Variants in C1orf210 observed in about 807,000 individuals in gnomAD.
C1orf210 encodes type III endosome membrane protein TEMP.
In C1orf210, 3 loss-of-function variants were observed where a neutral mutation model predicts 3.7. The observed-to-expected ratio is 0.81, with a 90% CI of 0.37 to 2.08. The LOEUF (loss-of-function observed/expected upper bound fraction) is 2.08, where lower values mean the gene tolerates loss of function less well. Among genes scored for constraint, C1orf210 ranks in the 30% most tolerant of loss-of-function variants. The pLI is 0.06. For synonymous variants in C1orf210, 62 were observed against 61.7 expected (o/e 1.00, Z -0.02); for missense variants, 143 against 147.7 (o/e 0.97, Z 0.17).
rs772352223 is a variant in C1orf210, at chr1:43,282,933, C to A, written c.194G>T (p.Arg65Leu). 1 of 1,614,162 alleles carries A rather than the reference C, an allele frequency of 6.2e-7. No individual in the cohort carries two copies. The highest frequency in any genetic ancestry group is 1.7e-5 in the Admixed American group (1 of 60,028). ...TCCTGTCTCAGGCAGTGGGCGGTGC[C>A]GGTAGCTGGCATGGTATCGGCGGCA... ...HLCRRYHASY[R>L]HRPLPETGRG... Residue 65 changes from arginine (R) to leucine (L), a missense_variant, in exon 3 of 3, where the codon CGG becomes CTG. Transcript: ENST00000523677.
chr1:43,283,028 C>T lies in C1orf210; in HGVS notation c.99G>A (p.Val33=), dbSNP rs761773667. 3 of 1,614,120 alleles carry T rather than the reference C, an allele frequency of 1.9e-6. No individual in the cohort carries two copies. The South Asian group carries it at 3.3e-5, about 18-fold the overall frequency. Residue 33 remains valine (V), a synonymous_variant, in exon 3 of 3, where the codon GTG becomes GTA. Coordinates refer to ENST00000523677, the MANE Select transcript of C1orf210 (RefSeq NM_182517.3). The part of the protein sequence containing the change: ...GPGTGARAWP[V]LVGFVLGAVV... Reference sequence around the variant, plus strand: ...CAGCCCCCAGCACAAATCCTACCAGCACAGGCCATGCCCGAGCCCCAGTGC... The same window carrying T: ...CAGCCCCCAGCACAAATCCTACCAGTACAGGCCATGCCCGAGCCCCAGTGC...
rs966673592 is a variant in C1orf210 at position 43,283,125 on chromosome 1, G to A, written c.20-18C>T. The A allele has an allele frequency of 3.1e-6, 5 of 1,607,072 alleles. No homozygotes were observed. The African/African-American group carries it at 6.7e-5, about 22-fold the overall frequency. ...AACAAGTGCTGCAGAGAAAGGGACA[G>A]CATTATAGGTGGGCCCCAGAGGGGG... On this transcript the variant is annotated intron_variant, in intron 2 of 2. Transcript: ENST00000523677.
At chr1:43,283,471 C>T in intron 1 of C1orf210, 103 bp from the exon 2 acceptor site, 1 of 592,804 alleles carries the variant, frequency 1.7e-6, no homozygotes, top group Admixed American at 3.2e-5. Context: ...GGGGACTGGA[C>T]AACTGACCAC....
At chr1:43,283,953 C>T (rs942357512) in intron 1 of C1orf210, among the ~76,000 whole-genome samples, 4 of 152,168 alleles carry the variant, frequency 2.6e-5, no homozygotes, top group East Asian at 1.9e-4. Flanking sequence ...AGTTGAAAGC[C>T]GCTGCTGCCC....
intron 1 of C1orf210, among the ~76,000 whole-genome samples, 163 bp downstream of exon 1, chr1:43,285,281 G>C (rs965961139): frequency 3.3e-5 from 5 of 152,024 alleles, no homozygotes; most frequent in African/African-American, 1.2e-4. Context: ...TTCCCAAGAA[G>C]ACACACACAC....
chr1:43,283,692 CT>C (rs1646561342), intron 1 of C1orf210, among the ~76,000 whole-genome samples: 1 of 152,212 alleles, frequency 6.6e-6, no homozygotes, highest in Admixed American at 6.5e-5. Context: ...GATGAGGGCT[CT>C]GAGGCTGAAA....
At chr1:43,283,464 G>T (rs1051746525) in intron 1 of C1orf210, 96 bp from the exon 2 acceptor site, 1 of 656,346 alleles carries the variant, frequency 1.5e-6, no homozygotes, top group Non-Finnish European at 2.5e-6. Flanking sequence ...AAACTCTGGG[G>T]ACTGGACAAC....
chr1:43,284,291 G>A (rs924148144), intron 1 of C1orf210, among the ~76,000 whole-genome samples: 2 of 152,106 alleles, frequency 1.3e-5, no homozygotes, highest in African/African-American at 4.8e-5. Flanking sequence ...GAACAGCTAG[G>A]GCAGGAGCAT....
In C1orf210 at chr1:43,282,380, A is replaced by T; in HGVS notation, c.*405T>A. The T allele has an allele frequency of 5.9e-6, 1 of 169,184 alleles. No individual in the cohort carries two copies. The highest frequency in any genetic ancestry group is 1.3e-5 in the Non-Finnish European group (1 of 79,658). The allele number at this position is 169,184 out of a possible 1,614,324, so 10.5% of individuals were successfully genotyped here. A position where few individuals can be genotyped will look rare whatever the true frequency, so the allele number is the denominator to read the frequency against. ...CCATCACAGTCATAGAGGATTTAGG[A>T]GAAGAGTAGCGTAGGCAGGGGGACC... On this transcript the variant is annotated 3_prime_UTR_variant, in exon 3 of 3. Coordinates refer to ENST00000523677, the MANE Select transcript of C1orf210 (RefSeq NM_182517.3).
rs568177967 is a variant in C1orf210, at chr1:43,282,898, G to A, written c.229C>T (p.Arg77Cys). The change falls in exon 3 of 3, where the codon CGC becomes TGC. Residue 77 changes from arginine to cysteine, a missense_variant. By Grantham distance (180) the Arg-to-Cys change is radical. Transcript: ENST00000523677. Reference protein sequence around the residue: ...RPLPETGRGGRPQVAEDEDDD... With the variant: ...RPLPETGRGGCPQVAEDEDDD... ...TCCTCATCTTCAGCCACCTGTGGGC[G>A]GCCTCCCCTTCCTGTCTCAGGCAGT... 3.6e-5 allele frequency: 58 copies of A among 1,614,046 alleles called. No individual in the cohort carries two copies. The highest frequency in any genetic ancestry group is 3.0e-4 in the South Asian group (27 of 91,084).
At chr1:43,283,884 G>A (rs1351912834) in intron 1 of C1orf210, among the ~76,000 whole-genome samples, 1 of 152,158 alleles carries the variant, frequency 6.6e-6, no homozygotes, top group African/African-American at 2.4e-5. Context: ...GGAGGGTGAT[G>A]CAAGTTGCTA....
intron 2 of C1orf210, 28 bp downstream of exon 2, chr1:43,283,223 AC>A: frequency 6.3e-7 from 1 of 1,593,760 alleles, no homozygotes; most frequent in Non-Finnish European, 8.6e-7. Flanking sequence ...GAAGCCCCCC[AC>A]CCCCATCATC....
rs888149379 is a variant in C1orf210, at chr1:43,282,743, T to C, written c.*42A>G. On this transcript the variant is annotated 3_prime_UTR_variant, in exon 3 of 3. Coordinates refer to ENST00000523677, the MANE Select transcript of C1orf210 (RefSeq NM_182517.3). ...CATGTCATAACCACTGTCCTTAAGC[T>C]GTCAGGCATGGAGGGAGTGGGGAGG... 4.6e-6 allele frequency: 7 copies of C among 1,510,450 alleles called. No individual in the cohort carries two copies. Among genetic ancestry groups the C allele is most frequent in the Non-Finnish European group, 6.3e-6 (7 of 1,108,640 alleles). 93.6% of individuals were successfully genotyped at this position (1,510,450 alleles called of 1,614,324 possible).
At position 43,282,717 on chromosome 1, in the gene C1orf210, C is replaced by A. The variant is rs1272391851; in HGVS notation, c.*68G>T. 6.2e-6 allele frequency: 9 copies of A among 1,447,962 alleles called. No individual in the cohort carries two copies. In the South Asian group the frequency reaches 8.0e-5, roughly 13 times the overall value. The allele number at this position is 1,447,962 out of a possible 1,614,324, so 89.7% of individuals were successfully genotyped here. ...CCTCTGTCCCTGAGGTTCAAGGCCCCCATGTCATAACCACTGTCCTTAAGC... is the reference window on the plus strand; with the variant it reads ...CCTCTGTCCCTGAGGTTCAAGGCCCACATGTCATAACCACTGTCCTTAAGC... On this transcript the variant is annotated 3_prime_UTR_variant, in exon 3 of 3. Transcript: ENST00000523677.
At position 43,282,685 on chromosome 1, in the gene C1orf210, C is replaced by T. The variant is rs574085932; in HGVS notation, c.*100G>A. The T allele has an allele frequency of 2.0e-5, 25 of 1,272,236 alleles. No individual in the cohort carries two copies. In the South Asian group the frequency reaches 3.1e-4, roughly 16 times the overall value. 78.8% of individuals were successfully genotyped at this position (1,272,236 alleles called of 1,614,324 possible). ...TCCATCCCTGGCCAACCTTTAAGCC[C>T]CAGCCACCTCTGTCCCTGAGGTTCA... On this transcript the variant is annotated 3_prime_UTR_variant, in exon 3 of 3. Coordinates refer to ENST00000523677, the MANE Select transcript of C1orf210 (RefSeq NM_182517.3).
Position 43,282,717 on chromosome 1 carries a change from C to CCATGT in C1orf210, c.*63_*67dup, listed in dbSNP as rs1646554005. On this transcript the variant is annotated 3_prime_UTR_variant, in exon 3 of 3. Coordinates refer to ENST00000523677, the MANE Select transcript of C1orf210 (RefSeq NM_182517.3). Reference sequence around the variant, plus strand: ...CCTCTGTCCCTGAGGTTCAAGGCCCCCATGTCATAACCACTGTCCTTAAGC... The same window carrying CCATGT: ...CCTCTGTCCCTGAGGTTCAAGGCCCCCATGTCATGTCATAACCACTGTCCTTAAGC... 6.9e-7 allele frequency: 1 copy of CCATGT among 1,447,962 alleles called. No individual in the cohort carries two copies. The highest frequency in any genetic ancestry group is 2.1e-5 in the Admixed American group (1 of 48,222). 89.7% of individuals were successfully genotyped at this position (1,447,962 alleles called of 1,614,324 possible).
Position 43,281,877 on chromosome 1 carries a change from T to C in C1orf210, c.*908A>G, listed in dbSNP as rs1275910549. Reference sequence around the variant, plus strand: ...AAGAAAAATAAAAATGAGTGACAGCTTTTTATTTTTATTCAAAATGAAAAT... The same window carrying C: ...AAGAAAAATAAAAATGAGTGACAGCCTTTTATTTTTATTCAAAATGAAAAT... On this transcript the variant is annotated 3_prime_UTR_variant, in exon 3 of 3. Transcript: ENST00000523677. The C allele has an allele frequency of 6.6e-6, 1 of 152,244 alleles. No individual in the cohort carries two copies. The highest frequency in any genetic ancestry group is 1.5e-5 in the Non-Finnish European group (1 of 68,052). The allele number at this position is 152,244 out of a possible 1,614,324, so 9.4% of individuals were successfully genotyped here. A position where few individuals can be genotyped will look rare whatever the true frequency, so the allele number is the denominator to read the frequency against.
rs936594717 is a variant in C1orf210, at chr1:43,282,271, A to T, written c.*514T>A. 12 of 152,018 alleles carry T rather than the reference A, an allele frequency of 7.9e-5. No individual in the cohort carries two copies. The highest frequency in any genetic ancestry group is 7.9e-4 in the Admixed American group (12 of 15,254). 9.4% of individuals were successfully genotyped at this position (152,018 alleles called of 1,614,324 possible). On this transcript the variant is annotated 3_prime_UTR_variant, in exon 3 of 3. Coordinates refer to ENST00000523677, the MANE Select transcript of C1orf210 (RefSeq NM_182517.3). ...AGAGTGAGACTCCGTCTCAGGAAAA[A>T]AAAAAAAAGGAAGCTTGGCACTGGT...
In C1orf210 at chr1:43,283,378, A is replaced by G; in HGVS notation, c.-98-10T>C. 6.8e-7 allele frequency: 1 copy of G among 1,463,968 alleles called. No homozygotes were observed. The highest frequency in any genetic ancestry group is 9.3e-7 in the Non-Finnish European group (1 of 1,072,296). The allele number at this position is 1,463,968 out of a possible 1,614,324, so 90.7% of individuals were successfully genotyped here. On this transcript the variant is annotated splice_polypyrimidine_tract_variant and intron_variant, in intron 1 of 2. Coordinates refer to ENST00000523677, the MANE Select transcript of C1orf210 (RefSeq NM_182517.3). ...CCCCAGGGCACAAGTCCTAGAAAAT[A>G]ACATAGGTATGGGTGTCAGGGATGG... is the stretch of plus-strand genomic sequence containing the variant.
Sources: allele counts gnomAD v4.1 joint callset (sites outside exome capture counted in the v4.1 genomes callset), GRCh38; gene constraint gnomAD v4.1.1; transcripts MANE v1.5; gene names NCBI Gene and HGNC (gene_info 2026-07-23, HGNC 2026-07-21).